The following EXOC4 variants were observed in gnomAD, a reference collection of about 807,000 sequenced individuals.
EXOC4 encodes the protein SEC8-like 1.
EXOC4 carries 71 observed loss-of-function variants against 107.2 expected under a neutral mutation model. The observed-to-expected ratio is 0.66, with a 90% CI of 0.55 to 0.81. The LOEUF (loss-of-function observed/expected upper bound fraction) is 0.81. Ranked by LOEUF, EXOC4 falls within the 30% of genes least tolerant of loss-of-function variation. The probability of loss-of-function intolerance (pLI) is 0.00; values close to 1 mark genes in which losing one functional copy is unlikely to be tolerated. For missense variants in EXOC4, 1,108 were observed against 1,189.6 expected (o/e 0.93, Z 1.01); for synonymous variants, 456 against 441.2 (o/e 1.03, Z -0.42).
intron 3 of EXOC4, among the ~76,000 whole-genome samples, chr7:133,302,309 A>G (rs184026598): frequency 4.6e-5 from 7 of 152,304 alleles, no homozygotes; most frequent in Non-Finnish European, 8.8e-5. Flanking sequence ...ACAGATTTCT[A>G]TTGTCTATCT....
At chr7:133,421,725 A>G (rs1338767145) in intron 7 of EXOC4, among the ~76,000 whole-genome samples, 1 of 152,214 alleles carries the variant, frequency 6.6e-6, no homozygotes, top group African/African-American at 2.4e-5. Flanking sequence ...ACTTTCAACT[A>G]GAGAGCTGAA....
intron 17 of EXOC4, among the ~76,000 whole-genome samples, chr7:134,032,741 G>A (rs1327298184): frequency 1.3e-5 from 2 of 152,198 alleles, no homozygotes; most frequent in East Asian, 1.9e-4. Context: ...GGAGATGAAA[G>A]CAATTAGAAA....
intron 9 of EXOC4, chr7:133,483,994 T>C (rs890511240): frequency 3.7e-6 from 6 of 1,609,928 alleles, no homozygotes; most frequent in Non-Finnish European, 4.3e-6. Flanking sequence ...CAGGCTTTGC[T>C]TCCCAGTAAT....
chr7:133,385,660 C>G (rs1024302606), intron 7 of EXOC4, among the ~76,000 whole-genome samples: 2 of 152,112 alleles, frequency 1.3e-5, no homozygotes, highest in African/African-American at 4.8e-5. Flanking sequence ...TACAGTTTGT[C>G]GTATTGCTCC....
At chr7:133,355,504 C>G (rs1796001722) in intron 5 of EXOC4, among the ~76,000 whole-genome samples, 1 of 152,082 alleles carries the variant, frequency 6.6e-6, no homozygotes, top group Non-Finnish European at 1.5e-5. Flanking sequence ...CTGTGGCTTT[C>G]AGTAGATAAC....
At chr7:134,029,283 A>C (rs1795213698) in intron 17 of EXOC4, among the ~76,000 whole-genome samples, 1 of 152,206 alleles carries the variant, frequency 6.6e-6, no homozygotes, top group African/African-American at 2.4e-5. Flanking sequence ...ACAACATACA[A>C]CATGGGTAAA....
chr7:133,655,561 T>G (rs1803271820), intron 10 of EXOC4, among the ~76,000 whole-genome samples: 2 of 152,218 alleles, frequency 1.3e-5, no homozygotes, highest in Admixed American at 6.5e-5. Flanking sequence ...AATTTTTTAT[T>G]TTTTTACTTT....
intron 9 of EXOC4, among the ~76,000 whole-genome samples, chr7:133,606,464 TC>T (rs1801947754): frequency 6.6e-6 from 1 of 151,802 alleles, no homozygotes; most frequent in Non-Finnish European, 1.5e-5. Flanking sequence ...AAACACAATC[TC>T]CCTCTTGAGA....
intron 1 of EXOC4, among the ~76,000 whole-genome samples, chr7:133,264,556 G>A (rs1162397659): frequency 1.3e-5 from 2 of 152,062 alleles, no homozygotes; most frequent in African/African-American, 4.8e-5. Flanking sequence ...AATAAAATGC[G>A]ATTTAAAAGT....
chr7:133,545,312 C>T (rs1800459642), intron 9 of EXOC4, among the ~76,000 whole-genome samples: 1 of 151,960 alleles, frequency 6.6e-6, no homozygotes, highest in Admixed American at 6.6e-5. Flanking sequence ...TTTCACTGAC[C>T]CTCCATTTCT....
intron 10 of EXOC4, among the ~76,000 whole-genome samples, chr7:133,709,309 A>G (rs376626960): frequency 5.3e-4 from 80 of 152,344 alleles, no homozygotes; most frequent in Middle Eastern, 3.4e-3. Context: ...GGAAGAAAAG[A>G]TAAAAAGGAA....
At chr7:133,623,369 C>T (rs1053625866) in intron 9 of EXOC4, among the ~76,000 whole-genome samples, 101 of 152,262 alleles carry the variant, frequency 6.6e-4, no homozygotes, top group African/African-American at 2.4e-3. Context: ...TCTCACTGAG[C>T]AAACTTTATG....
chr7:133,499,519 G>A, intron 9 of EXOC4, among the ~76,000 whole-genome samples: 1 of 152,128 alleles, frequency 6.6e-6, no homozygotes, highest in Non-Finnish European at 1.5e-5. Context: ...AGAAGAGGAT[G>A]CAGTGACTGA....
At chr7:133,454,003 T>A (rs1798407653) in intron 7 of EXOC4, among the ~76,000 whole-genome samples, 1 of 152,178 alleles carries the variant, frequency 6.6e-6, no homozygotes, top group Admixed American at 6.5e-5. Flanking sequence ...GAGATCAAAC[T>A]AATATAATTT....
intron 8 of EXOC4, 146 bp from the exon 9 acceptor site, chr7:133,479,904 C>G (rs1799112525): frequency 1.5e-6 from 1 of 662,534 alleles, no homozygotes. Flanking sequence ...CTGGCCCTGG[C>G]CCTGTCATGG....
chr7:133,748,254 A>G (rs1339545974), intron 10 of EXOC4, among the ~76,000 whole-genome samples: 1 of 152,144 alleles, frequency 6.6e-6, no homozygotes, highest in Non-Finnish European at 1.5e-5. Context: ...TGGCTTAGAC[A>G]ATGAACCTGA....
At chr7:133,604,955 C>T (rs574333608) in intron 9 of EXOC4, among the ~76,000 whole-genome samples, 1 of 151,648 alleles carries the variant, frequency 6.6e-6, no homozygotes, top group East Asian at 1.9e-4. Flanking sequence ...GAACTCCTGA[C>T]CTCAGGTGAT....
At chr7:133,374,754 T>C (rs1465831076) in intron 6 of EXOC4, 74 bp from the exon 7 acceptor site, 8 of 1,230,988 alleles carry the variant, frequency 6.5e-6, no homozygotes, top group Admixed American at 6.0e-5. Context: ...TTGATGTTTT[T>C]CTTGCAGGTC....
chr7:133,334,742 G>A (rs377089872), intron 5 of EXOC4, among the ~76,000 whole-genome samples: 1 of 151,792 alleles, frequency 6.6e-6, no homozygotes, highest in East Asian at 1.9e-4. Context: ...CCTCCAATGG[G>A]CCCCAGTGTG....
Sources: allele counts gnomAD v4.1 joint callset (sites outside exome capture counted in the v4.1 genomes callset), GRCh38; gene constraint gnomAD v4.1.1; transcripts MANE v1.5; gene names NCBI Gene and HGNC (gene_info 2026-07-23, HGNC 2026-07-21).